Variants in GRK3 observed in about 807,000 individuals in gnomAD.
The protein encoded by GRK3 is adrenergic, beta, receptor kinase 2.
Under a neutral mutation model 95.7 loss-of-function variants are expected in GRK3, and 54 were observed. The ratio of observed to expected loss-of-function variants is 0.56; its 90% CI spans 0.45 to 0.71. The LOEUF (loss-of-function observed/expected upper bound fraction) is 0.71. GRK3 is among the 30% of genes least tolerant of loss of function. The pLI is 0.00. For missense variants in GRK3, 649 were observed against 851.2 expected (o/e 0.76, Z 2.96); for synonymous variants, 281 against 290.8 (o/e 0.97, Z 0.34).
chr22:25,676,566 CT>C (rs1320978184), intron 8 of GRK3, among the ~76,000 whole-genome samples: 1 of 151,896 alleles, frequency 6.6e-6, no homozygotes, highest in East Asian at 1.9e-4. Flanking sequence ...TCATGGGCGC[CT>C]CTAGTCCCAG....
chr22:25,716,056 G>A (rs755833839), intron 18 of GRK3, among the ~76,000 whole-genome samples: 4 of 152,022 alleles, frequency 2.6e-5, no homozygotes, highest in African/African-American at 9.6e-5. Flanking sequence ...GCGCGATCTC[G>A]GCTCACTGCA....
intron 2 of GRK3, among the ~76,000 whole-genome samples, chr22:25,635,524 C>T (rs894848238): frequency 2.6e-5 from 4 of 152,156 alleles, no homozygotes; most frequent in African/African-American, 9.7e-5. Flanking sequence ...TGGGATCATG[C>T]CTGCATTTCC....
chr22:25,671,296 C>T (rs1257697467), intron 6 of GRK3, among the ~76,000 whole-genome samples: 5 of 152,190 alleles, frequency 3.3e-5, no homozygotes, highest in Admixed American at 3.3e-4. Flanking sequence ...GCCGAGATGG[C>T]GCCACTGCAC....
intron 9 of GRK3, among the ~76,000 whole-genome samples, chr22:25,681,390 A>G (rs945862363): frequency 6.6e-6 from 1 of 152,080 alleles, no homozygotes; most frequent in Admixed American, 6.5e-5. Flanking sequence ...GGGTCAGCGA[A>G]TGCCTTTCTG....
chr22:25,579,288 G>A (rs188445866), intron 1 of GRK3, among the ~76,000 whole-genome samples: 4,069 of 151,168 alleles, frequency 0.027, 58 homozygotes, highest in Middle Eastern at 0.061. Flanking sequence ...CTGGGACTAA[G>A]GGCACATGCT....
rs547353306 is a variant in GRK3 at position 25,624,564 on chromosome 22, TAAAAAC to T, written c.191-20010_191-20005del. Among the ~76,000 whole-genome samples the T allele has an allele frequency of 2.3e-4, 35 of 151,986 alleles. No individual in the cohort carries two copies. The East Asian group carries it at 4.9e-3, about 21-fold the overall frequency. ...GGGTGACAGAGTGAGACTCCATCAT[TAAAAAC>T]AAAAACAAAAACAAAAAACCCTGAT... On this transcript the variant is annotated intron_variant, in intron 2 of 20. Coordinates refer to ENST00000324198, the MANE Select transcript of GRK3 (RefSeq NM_005160.4).
chr22:25,631,133 T>C (rs1023055801), intron 2 of GRK3, among the ~76,000 whole-genome samples: 2 of 152,236 alleles, frequency 1.3e-5, no homozygotes, highest in Admixed American at 6.5e-5. Flanking sequence ...CCCTAGCCAG[T>C]AGGGACATGA....
intron 13 of GRK3, among the ~76,000 whole-genome samples, chr22:25,702,199 G>T (rs533573388): frequency 6.6e-6 from 1 of 151,950 alleles, no homozygotes; most frequent in Non-Finnish European, 1.5e-5. Flanking sequence ...TGTACAAAAA[G>T]AAAATTAAAG....
chr22:25,644,295 AGTGGTGGTGGTGAATGCCAGCCCT>A (rs2084764862), intron 2 of GRK3, among the ~76,000 whole-genome samples: 1 of 151,834 alleles, frequency 6.6e-6, no homozygotes, highest in Admixed American at 6.6e-5. Context: ...AGCGGCTCCA[AGTGGTGGTGGTGAATGCCAGCCCT>A]GTCGTATCAT....
At chr22:25,637,371 A>C (rs575345117) in intron 2 of GRK3, among the ~76,000 whole-genome samples, 1 of 152,164 alleles carries the variant, frequency 6.6e-6, no homozygotes, top group Admixed American at 6.5e-5. Flanking sequence ...TTACTTGCTT[A>C]TATGTTTCTC....
intron 1 of GRK3, among the ~76,000 whole-genome samples, chr22:25,588,064 G>A (rs184400388): frequency 7.2e-5 from 11 of 152,202 alleles, no homozygotes; most frequent in South Asian, 6.2e-4. Context: ...CCCTCAAAGC[G>A]CTGGGATTAC....
At chr22:25,595,154 T>TG (rs2084363933) in intron 1 of GRK3, among the ~76,000 whole-genome samples, 1 of 152,158 alleles carries the variant, frequency 6.6e-6, no homozygotes, top group South Asian at 2.1e-4. Flanking sequence ...AACATAGTAC[T>TG]GGAGCAGTCA....
chr22:25,637,740 A>T (rs2084712917), intron 2 of GRK3, among the ~76,000 whole-genome samples: 2 of 152,214 alleles, frequency 1.3e-5, no homozygotes, highest in African/African-American at 4.8e-5. Flanking sequence ...AAGTAATAGG[A>T]TATGTGTATA....
At chr22:25,666,712 C>T (rs1382395393) in intron 5 of GRK3, among the ~76,000 whole-genome samples, 2 of 152,074 alleles carry the variant, frequency 1.3e-5, no homozygotes, top group Admixed American at 6.6e-5. Context: ...TTCCTATTCT[C>T]ATCACTTGGT....
At chr22:25,628,891 A>G (rs1159687393) in intron 2 of GRK3, among the ~76,000 whole-genome samples, 1 of 152,144 alleles carries the variant, frequency 6.6e-6, no homozygotes, top group African/African-American at 2.4e-5. Flanking sequence ...ATTTCTTAAC[A>G]GCCGTGGCCC....
chr22:25,674,497 T>C lies in GRK3; in HGVS notation c.616T>C (p.Tyr206His). 1 of 1,614,084 alleles carries C rather than the reference T, an allele frequency of 6.2e-7. No homozygotes were observed. The highest frequency in any genetic ancestry group is 8.5e-7 in the Non-Finnish European group (1 of 1,179,944). Residue 206 changes from tyrosine to histidine, a missense_variant, in exon 8 of 21, where the codon TAT becomes CAT. This residue lies in a region of GRK3 where 61 missense variants were observed against 126.0 expected (regional missense o/e 0.48). Transcript: ENST00000324198. ...IIGRGGFGEV[Y>H]GCRKADTGKM... is the part of the protein sequence containing the mutation. ...TGGACGAGGAGGATTCGGGGAAGTT[T>C]ATGGTTGCAGGAAAGCAGACACTGG...
At chr22:25,634,673 T>G (rs1343637003) in intron 2 of GRK3, among the ~76,000 whole-genome samples, 1 of 152,198 alleles carries the variant, frequency 6.6e-6, no homozygotes, top group East Asian at 1.9e-4. Flanking sequence ...GGATTTAAAG[T>G]GCTGTAAGTT....
intron 2 of GRK3, among the ~76,000 whole-genome samples, chr22:25,610,346 A>G (rs1401323545): frequency 6.6e-6 from 1 of 152,144 alleles, no homozygotes; most frequent in Non-Finnish European, 1.5e-5. Flanking sequence ...GCATACCTGT[A>G]GTCCCAGCTA....
chr22:25,603,453 A>G (rs1157702731), intron 1 of GRK3, among the ~76,000 whole-genome samples: 1 of 152,130 alleles, frequency 6.6e-6, no homozygotes, highest in Admixed American at 6.5e-5. Flanking sequence ...AGTTGAATGT[A>G]TGTGTGGTTC....
Sources: gnomAD v4.1 joint callset for allele counts (sites outside exome capture counted in the v4.1 genomes callset) on GRCh38, gnomAD v4.1.1 for gene constraint, gnomAD v4.1.1 regional missense constraint, MANE v1.5 for transcripts, NCBI Gene and HGNC (gene_info 2026-07-23, HGNC 2026-07-21) for gene names.